Variants in DMXL2 observed in about 807,000 individuals in gnomAD.
DMXL2 encodes dmX-like protein 2.
DMXL2 carries 103 observed loss-of-function variants against 331.1 expected under a neutral mutation model. The observed-to-expected ratio is 0.31, with a 90% CI of 0.27 to 0.37. DMXL2 has a LOEUF of 0.37. Ranked by LOEUF, DMXL2 falls within the 10% of genes least tolerant of loss-of-function variation. DMXL2 has a pLI of 1.00. For synonymous variants in DMXL2, 1,281 were observed against 1,252.1 expected, an observed-to-expected ratio of 1.02 and a Z score of -0.49; for missense variants, 3,171 against 3,642.9, an observed-to-expected ratio of 0.87 and a Z score of 3.33.
intron 33 of DMXL2, chr15:51,459,988 GA>G: frequency 1.0e-6 from 1 of 984,772 alleles, no homozygotes; most frequent in South Asian, 4.7e-5. Flanking sequence ...TGTATAAGCA[GA>G]TGCAGAAGAT....
intron 15 of DMXL2, among the ~76,000 whole-genome samples, chr15:51,509,032 A>T (rs1158437051): frequency 1.3e-5 from 2 of 151,684 alleles, no homozygotes; most frequent in East Asian, 1.9e-4. Flanking sequence ...AGATATCCAA[A>T]TTTTTTTTTC....
At chr15:51,561,474 C>G (rs556248158) in intron 6 of DMXL2, among the ~76,000 whole-genome samples, 1 of 152,240 alleles carries the variant, frequency 6.6e-6, no homozygotes, top group East Asian at 1.9e-4. Flanking sequence ...AGTTCTGAGG[C>G]ACCCGTGGTG....
In DMXL2 at chr15:51,499,294, A is replaced by G. The variant is rs1360575485; in HGVS notation, c.3930T>C (p.Ser1310=). Reference sequence around the variant, plus strand: ...CAGAAATAGCTGTTCCTTCAACAACACTTTTTCTTGCCAGCATATTAGATT... The same window carrying G: ...CAGAAATAGCTGTTCCTTCAACAACGCTTTTTCTTGCCAGCATATTAGATT... ...TFKSNMLARK[S]VVEGTAISDD... The change falls in exon 18 of 44, where the codon AGT becomes AGC. Residue 1310 remains serine (S), a synonymous_variant. Transcript: ENST00000560891. The G allele has an allele frequency of 6.2e-7, 1 of 1,613,948 alleles. No individual in the cohort carries two copies. Among genetic ancestry groups the G allele is most frequent in the Non-Finnish European group, 8.5e-7 (1 of 1,180,024 alleles).
In DMXL2 at chr15:51,466,267, A is replaced by C. The variant is rs748740582; in HGVS notation, c.7437T>G (p.Asp2479Glu). The C allele has an allele frequency of 1.9e-6, 3 of 1,555,280 alleles. No homozygotes were observed. The highest frequency in any genetic ancestry group is 1.3e-5 in the South Asian group (1 of 79,496). ...LSDSGVIYDS[D>E]ESIHSDEEDD... ...CTTCTTCATCACTATGAATGCTTTC[A>C]TCAGAATCATATATAACACCACTAT... Residue 2479 changes from aspartate (D) to glutamate (E), a missense_variant, in exon 30 of 44, where the codon GAT (aspartate) becomes GAG (glutamate). Coordinates refer to ENST00000560891, the MANE Select transcript of DMXL2 (RefSeq NM_001378457.1).
At chr15:51,459,841 CAA>C in intron 33 of DMXL2, 181 bp from the exon 34 acceptor site, 2 of 1,163,690 alleles carry the variant, frequency 1.7e-6, no homozygotes, top group Non-Finnish European at 2.2e-6. Flanking sequence ...AACACAAAGC[CAA>C]AAGAGCAAAA....
intron 1 of DMXL2, among the ~76,000 whole-genome samples, chr15:51,599,431 C>G (rs1444208300): frequency 6.6e-6 from 1 of 152,116 alleles, no homozygotes; most frequent in African/African-American, 2.4e-5. Context: ...TATAGACAGA[C>G]ACACACATAT....
At chr15:51,465,741 C>CT in intron 30 of DMXL2, 90 bp from the exon 31 acceptor site, 1 of 905,184 alleles carries the variant, frequency 1.1e-6, no homozygotes, top group Non-Finnish European at 1.7e-6. Flanking sequence ...GTTTAGCCCA[C>CT]TCTCCAACCC....
chr15:51,457,687 C>T, intron 36 of DMXL2: 1 of 451,968 alleles, frequency 2.2e-6, no homozygotes. Context: ...TTGGGGACAA[C>T]TTTATTGCTG....
intron 20 of DMXL2, among the ~76,000 whole-genome samples, chr15:51,491,164 G>A (rs2042766347): frequency 6.6e-6 from 1 of 152,206 alleles, no homozygotes; most frequent in South Asian, 2.1e-4. Flanking sequence ...AGTCTCACCA[G>A]GCATGGTGGC....
Position 51,535,774 on chromosome 15 carries a change from G to T in DMXL2, c.2325C>A (p.Cys775Ter). The T allele has an allele frequency of 6.2e-7, 1 of 1,608,184 alleles. No homozygotes were observed. The highest frequency in any genetic ancestry group is 8.5e-7 in the Non-Finnish European group (1 of 1,177,440). The change falls in exon 13 of 44, where the codon TGC becomes TGA. Residue 775 changes from cysteine to a stop codon, truncating the protein, a stop_gained. Coordinates refer to ENST00000560891, the MANE Select transcript of DMXL2 (RefSeq NM_001378457.1). LOFTEE classifies it high-confidence loss of function. The stretch of plus-strand genomic sequence containing the variant: ...CAACAAAGCAAGCACTTGCAGAATT[G>T]CAGTATGTGCCTGAGAAAGGAAAAC... ...LIPSYCLGTY[C>*]NSASACFVAS...
In DMXL2 at chr15:51,458,784, A is replaced by G. The variant is rs777909040; in HGVS notation, c.8001T>C (p.Asp2667=). 14 of 1,613,988 alleles carry G rather than the reference A, an allele frequency of 8.7e-6. No homozygotes were observed. The Admixed American group carries it at 2.2e-4, about 25-fold the overall frequency. ...TCGCCTTTCCACCTGGATAGCCCAG[A>G]TCAGCTTCAACCTAGAAAACATTCA... ...AEDCHIKVEA[D]LGYPGGKAKV... The change falls in exon 35 of 44, where the codon GAT becomes GAC. Residue 2667 remains aspartate (D), a synonymous_variant. Transcript: ENST00000560891.
Position 51,572,284 on chromosome 15 carries a change from C to T in DMXL2, c.214-3726G>A, listed in dbSNP as rs558649379. On this transcript the variant is annotated intron_variant, in intron 2 of 43. Coordinates refer to ENST00000560891, the MANE Select transcript of DMXL2 (RefSeq NM_001378457.1). ...CCAATAAGAGGTTCTGAAATTGAGG[C>T]AATAATTAATAGCCTACCAACCAAA... 4.8e-3 allele frequency among the ~76,000 whole-genome samples: 632 copies of T among 130,818 alleles called. 12 individuals carry two copies. Among genetic ancestry groups the T allele is most frequent in the Non-Finnish European group, 6.6e-3 (380 of 57,614 alleles). 85.8% of individuals were successfully genotyped at this position (130,818 alleles called of 152,430 possible).
At chr15:51,475,865 A>C (rs977880139) in intron 27 of DMXL2, among the ~76,000 whole-genome samples, 22 of 152,226 alleles carry the variant, frequency 1.4e-4, no homozygotes, top group Non-Finnish European at 2.5e-4. Context: ...TTTTTCAAAA[A>C]AAATACACTT....
At chr15:51,546,893 C>T (rs2048920678) in intron 7 of DMXL2, among the ~76,000 whole-genome samples, 1 of 152,080 alleles carries the variant, frequency 6.6e-6, no homozygotes, top group Non-Finnish European at 1.5e-5. Flanking sequence ...TCTGCTAGTA[C>T]CACAGCTACT....
chr15:51,568,424 A>G (rs1488414566), intron 3 of DMXL2, 63 bp downstream of exon 3: 8 of 1,130,198 alleles, frequency 7.1e-6, no homozygotes, highest in Non-Finnish European at 1.0e-5. Flanking sequence ...CTTTTTATTA[A>G]CATCAATTGG....
At chr15:51,559,961 T>A (rs2049849653) in intron 6 of DMXL2, among the ~76,000 whole-genome samples, 1 of 152,012 alleles carries the variant, frequency 6.6e-6, no homozygotes, top group African/African-American at 2.4e-5. Flanking sequence ...CCAAGAGAAA[T>A]CCACACAAGA....
At chr15:51,548,031 T>C (rs1326498352) in intron 6 of DMXL2, among the ~76,000 whole-genome samples, 2 of 152,256 alleles carry the variant, frequency 1.3e-5, no homozygotes, top group East Asian at 1.9e-4. Flanking sequence ...TGATAAAGAA[T>C]GCATGGAGGT....
chr15:51,538,544 G>T (rs2048411029), intron 9 of DMXL2, 92 bp from the exon 10 acceptor site: 32 of 994,632 alleles, frequency 3.2e-5, no homozygotes, highest in Non-Finnish European at 3.9e-5. Flanking sequence ...TAAAGAAAAG[G>T]TGCTAAACAA....
At chr15:51,608,731 T>G (rs998460635) in intron 1 of DMXL2, among the ~76,000 whole-genome samples, 2 of 151,148 alleles carry the variant, frequency 1.3e-5, no homozygotes, top group Non-Finnish European at 2.9e-5. Context: ...CCTGCACATG[T>G]ACCCCTGAAA....
Sources: gnomAD v4.1 joint callset for allele counts (sites outside exome capture counted in the v4.1 genomes callset) on GRCh38, gnomAD v4.1.1 for gene constraint, MANE v1.5 for transcripts, NCBI Gene and HGNC (gene_info 2026-07-23, HGNC 2026-07-21) for gene names.